RPTOR: variants seen among roughly 807,000 people sequenced by gnomAD.
RPTOR encodes regulatory-associated protein of mTOR.
In RPTOR, 21 loss-of-function variants were observed where a neutral mutation model predicts 169.9. The observed-to-expected ratio is 0.12, with a 90% confidence interval of 0.09 to 0.18. The LOEUF (loss-of-function observed/expected upper bound fraction) is 0.18, where lower values mean the gene tolerates loss of function less well. Among genes scored for constraint, RPTOR ranks in the 10% least tolerant of loss-of-function variants. RPTOR has a pLI of 1.00. For missense variants in RPTOR, 1,133 were observed against 1,855.9 expected, an observed-to-expected ratio of 0.61 and a Z score of 7.16; for synonymous variants, 732 against 753.2, an observed-to-expected ratio of 0.97 and a Z score of 0.46.
chr17:80,900,221 C>T (rs545064569), intron 20 of RPTOR, among the ~76,000 whole-genome samples: 3 of 152,234 alleles, frequency 2.0e-5, no homozygotes, highest in Admixed American at 6.5e-5. Context: ...GTCTCCTCCC[C>T]GCCTCGCAGC....
chr17:80,648,712 TG>T (rs1368546431), intron 3 of RPTOR, among the ~76,000 whole-genome samples: 1 of 151,804 alleles, frequency 6.6e-6, no homozygotes, highest in African/African-American at 2.4e-5. Context: ...CACCCCCAAA[TG>T]TTTTGGAATG....
chr17:80,886,340 A>T (rs1396168460), intron 17 of RPTOR, among the ~76,000 whole-genome samples: 1 of 152,170 alleles, frequency 6.6e-6, no homozygotes, highest in East Asian at 1.9e-4. Context: ...TTTCTAACGA[A>T]ATCTTGAAAA....
intron 9 of RPTOR, among the ~76,000 whole-genome samples, chr17:80,826,344 A>G (rs998449866): frequency 6.6e-6 from 1 of 152,150 alleles, no homozygotes; most frequent in Admixed American, 6.5e-5. Flanking sequence ...TGCAAGAAAC[A>G]TGTTTCCTCT....
Position 80,791,448 on chromosome 17 carries a change from A to G in RPTOR, c.831-2A>G. On this transcript the variant is annotated splice_acceptor_variant, in intron 6 of 33. Transcript: ENST00000306801. LOFTEE classifies it high-confidence loss of function. ...CGTTCACATTCTTTTCTTTCTCTGCAGGTTTTGCATGCAGAAATGTGTCAG... is the reference window on the plus strand; with the variant it reads ...CGTTCACATTCTTTTCTTTCTCTGCGGGTTTTGCATGCAGAAATGTGTCAG... 1 of 1,612,772 alleles carries G rather than the reference A, an allele frequency of 6.2e-7. No homozygotes were observed. Among genetic ancestry groups the G allele is most frequent in the Non-Finnish European group, 8.5e-7 (1 of 1,179,672 alleles).
intron 1 of RPTOR, among the ~76,000 whole-genome samples, chr17:80,585,279 A>C (rs2143385504): frequency 6.6e-6 from 1 of 150,624 alleles, no homozygotes; most frequent in East Asian, 2.0e-4. Context: ...ATCTCGACTC[A>C]CTGCAAACTC....
At chr17:80,753,024 T>C (rs2066644423) in intron 5 of RPTOR, among the ~76,000 whole-genome samples, 1 of 152,188 alleles carries the variant, frequency 6.6e-6, no homozygotes, top group African/African-American at 2.4e-5. Context: ...CTATCCCTAC[T>C]TTAAAGAGAG....
Position 80,960,340 on chromosome 17 carries a change from G to C in RPTOR, c.3605+135G>C. ...AGCTTCCCCAGGAGCCTGCAGTGGC[G>C]TATTTAGGCCAGTCCTGGGCTCCCC... On this transcript the variant is annotated intron_variant, in intron 30 of 33. Transcript: ENST00000306801. The surrounding 1 kb of genome is among the most constrained non-coding windows in gnomAD (Gnocchi z 4.8). 3.2e-6 allele frequency: 4 copies of C among 1,233,202 alleles called. No homozygotes were observed. The highest frequency in any genetic ancestry group is 1.4e-5 in the South Asian group (1 of 70,148). The allele number at this position is 1,233,202 out of a possible 1,614,324, so 76.4% of individuals were successfully genotyped here.
Position 80,806,931 on chromosome 17 carries a change from A to G in RPTOR, c.891-15270A>G, listed in dbSNP as rs9890578. 1.8e-3 allele frequency among the ~76,000 whole-genome samples: 280 copies of G among 152,226 alleles called. 4 individuals carry two copies. Among genetic ancestry groups the G allele is most frequent in the African/African-American group, 6.3e-3 (260 of 41,482 alleles). ...TTAAAAACTCATTTCCCTTTTGACC[A>G]CATGCATTAACCCTCAGAACTGAAG... On this transcript the variant is annotated intron_variant, in intron 7 of 33. Transcript: ENST00000306801.
At chr17:80,730,000 G>A (rs543834342) in intron 4 of RPTOR, among the ~76,000 whole-genome samples, 42 of 152,354 alleles carry the variant, frequency 2.8e-4, no homozygotes, top group Admixed American at 2.5e-3. Context: ...TGAACCCAGC[G>A]GCAGCTGCGG....
chr17:80,616,069 G>A (rs2065307374), intron 1 of RPTOR, among the ~76,000 whole-genome samples: 2 of 152,150 alleles, frequency 1.3e-5, no homozygotes, highest in African/African-American at 4.8e-5. Context: ...TGGGAGCCCT[G>A]CATATTTTTA....
At chr17:80,880,346 A>G in intron 13 of RPTOR, 69 bp from the exon 14 acceptor site, 3 of 1,310,760 alleles carry the variant, frequency 2.3e-6, no homozygotes, top group Non-Finnish European at 3.3e-6. Flanking sequence ...TCGTTCACGC[A>G]CCATGAGAAG....
intron 9 of RPTOR, among the ~76,000 whole-genome samples, chr17:80,824,326 C>T (rs892957611): frequency 5.9e-5 from 9 of 152,042 alleles, no homozygotes; most frequent in African/African-American, 1.7e-4. Context: ...TGAAGTAAAC[C>T]ATTTAAATAA....
At chr17:80,685,625 ATATTTTTTTTTTTTT>A (rs1462797168) in intron 3 of RPTOR, among the ~76,000 whole-genome samples, 1 of 35,322 alleles carries the variant, frequency 2.8e-5, no homozygotes, top group South Asian at 1.5e-3. Flanking sequence ...ATATATATAT[ATATTTTTTTTTTTTT>A]TTTTTTTTTT....
chr17:80,687,791 T>C (rs1489815423), intron 3 of RPTOR, among the ~76,000 whole-genome samples: 2 of 152,236 alleles, frequency 1.3e-5, no homozygotes, highest in African/African-American at 4.8e-5. Flanking sequence ...CACCGTGTAG[T>C]GTTTAAGCTT....
chr17:80,862,316 C>A (rs551034890), intron 13 of RPTOR, among the ~76,000 whole-genome samples: 1 of 152,266 alleles, frequency 6.6e-6, no homozygotes, highest in South Asian at 2.1e-4. Flanking sequence ...TGAGCCTCGT[C>A]TACCTCACCT....
At chr17:80,736,622 C>G (rs1023626283) in intron 5 of RPTOR, among the ~76,000 whole-genome samples, 21 of 152,216 alleles carry the variant, frequency 1.4e-4, no homozygotes, top group African/African-American at 4.8e-4. Context: ...CTAAAGTACT[C>G]ATGTTCTGAA....
chr17:80,935,032 A>G (rs1210863413), intron 24 of RPTOR, among the ~76,000 whole-genome samples: 1 of 152,156 alleles, frequency 6.6e-6, no homozygotes, highest in Non-Finnish European at 1.5e-5. Context: ...AAAAAAAAAA[A>G]AAAGGCATTA....
At chr17:80,908,721 C>A in intron 20 of RPTOR, 90 bp from the exon 21 acceptor site, 2 of 886,472 alleles carry the variant, frequency 2.3e-6, no homozygotes, top group Non-Finnish European at 3.7e-6. Context: ...ACTTCTGATA[C>A]CAGGGTTAGG....
intron 7 of RPTOR, among the ~76,000 whole-genome samples, chr17:80,800,639 GTA>G (rs1435754845): frequency 6.6e-5 from 10 of 152,168 alleles, no homozygotes; most frequent in Admixed American, 6.5e-4. Flanking sequence ...TGCTGCTGCA[GTA>G]CATATTTATA....
Sources: gnomAD v4.1 joint callset for allele counts (sites outside exome capture counted in the v4.1 genomes callset) on GRCh38, gnomAD v4.1.1 for gene constraint, Gnocchi (gnomAD v3.1) non-coding constraint, MANE v1.5 for transcripts, NCBI Gene and HGNC (gene_info 2026-07-23, HGNC 2026-07-21) for gene names.